The following RPH3A variants were observed in gnomAD, a reference collection of about 807,000 sequenced individuals.
The protein encoded by RPH3A is rabphilin 3A.
A neutral mutation model predicts 102.2 loss-of-function variants in RPH3A; 48 were observed. That is an observed-to-expected ratio of 0.47 (90% CI 0.37 to 0.60). RPH3A has a LOEUF of 0.60. RPH3A is among the 20% of genes least tolerant of loss of function. RPH3A has a pLI of 0.00. For synonymous variants in RPH3A, 310 were observed against 324.3 expected (o/e 0.96, Z 0.47); for missense variants, 781 against 910.1 (o/e 0.86, Z 1.83).
At chr12:112,694,650 GCACACACACACA>G (rs71086119) in intron 1 of RPH3A, among the ~76,000 whole-genome samples, 8 of 98,544 alleles carry the variant, frequency 8.1e-5, no homozygotes, top group South Asian at 4.4e-4. Context: ...GCGCGCACAC[GCACACACACACA>G]CACACACACA....
intron 1 of RPH3A, among the ~76,000 whole-genome samples, chr12:112,762,498 C>T (rs971594994): frequency 2.6e-5 from 4 of 152,188 alleles, no homozygotes; most frequent in Non-Finnish European, 5.9e-5. Context: ...CCCATTTTCT[C>T]TGCCTTCCCC....
At chr12:112,734,446 C>T (rs1400212521) in intron 1 of RPH3A, among the ~76,000 whole-genome samples, 3 of 152,234 alleles carry the variant, frequency 2.0e-5, no homozygotes, top group Non-Finnish European at 4.4e-5. Context: ...CTGTACATGG[C>T]GAATATCAGT....
At chr12:112,581,002 G>C (rs549449506) in intron 1 of RPH3A, among the ~76,000 whole-genome samples, 9 of 152,252 alleles carry the variant, frequency 5.9e-5, no homozygotes, top group African/African-American at 2.2e-4. Context: ...CAAGTTCTTC[G>C]TGAGTGCTCT....
intron 1 of RPH3A, among the ~76,000 whole-genome samples, chr12:112,590,342 C>T (rs1329399706): frequency 6.6e-6 from 1 of 152,240 alleles, no homozygotes; most frequent in South Asian, 2.1e-4. Context: ...GGAGACCACC[C>T]TGCTGAATGA....
intron 1 of RPH3A, among the ~76,000 whole-genome samples, chr12:112,582,525 T>C (rs1218280799): frequency 6.8e-6 from 1 of 147,176 alleles, no homozygotes; most frequent in Non-Finnish European, 1.5e-5. Flanking sequence ...TAGCTCACTG[T>C]AGCCTTGACC....
At chr12:112,617,412 G>A (rs1201303894) in intron 1 of RPH3A, among the ~76,000 whole-genome samples, 3 of 152,280 alleles carry the variant, frequency 2.0e-5, no homozygotes, top group African/African-American at 7.2e-5. Flanking sequence ...AAGGCTGGTT[G>A]GATTCAGGTT....
In RPH3A at chr12:112,869,916, G is replaced by C. The variant is rs139152687; in HGVS notation, c.673G>C (p.Gly225Arg). The part of the protein sequence containing the change: ...KTGPDPASAP[G>R]RGNYGPPVRR... The stretch of plus-strand genomic sequence containing the variant: ...AGGCCCTGACCCAGCCTCTGCTCCC[G>C]GGCGAGGAAACTATGGGCCTCCCGT... Residue 225 changes from glycine to arginine, a missense_variant, in exon 10 of 22, where the codon GGG becomes CGG. Physicochemically the swap from Gly to Arg is moderately radical, Grantham distance 125. This residue lies in a region of RPH3A where 730 missense variants were observed against 810.0 expected (regional missense o/e 0.90). Coordinates refer to ENST00000389385, the MANE Select transcript of RPH3A (RefSeq NM_001143854.2). The C allele has an allele frequency of 5.0e-6, 8 of 1,613,844 alleles. No individual in the cohort carries two copies. The highest frequency in any genetic ancestry group is 2.2e-5 in the South Asian group (2 of 91,058).
At chr12:112,602,902 AG>A (rs1478353086) in intron 1 of RPH3A, among the ~76,000 whole-genome samples, 5 of 152,340 alleles carry the variant, frequency 3.3e-5, no homozygotes, top group Admixed American at 2.0e-4. Context: ...GATTAACAAG[AG>A]AAAAAAATAT....
chr12:112,844,261 G>A (rs563432655), intron 4 of RPH3A, among the ~76,000 whole-genome samples: 1 of 152,316 alleles, frequency 6.6e-6, no homozygotes, highest in South Asian at 2.1e-4. Context: ...TGTCTCGGGT[G>A]ACAAGAGCTA....
chr12:112,848,193 A>G (rs2042263824), intron 5 of RPH3A, among the ~76,000 whole-genome samples: 1 of 152,008 alleles, frequency 6.6e-6, no homozygotes, highest in Non-Finnish European at 1.5e-5. Context: ...GGTGGGTGTG[A>G]GCATCAGGTG....
intron 11 of RPH3A, 22 bp from the exon 12 acceptor site, chr12:112,875,656 GT>G: frequency 6.2e-7 from 1 of 1,606,954 alleles, no homozygotes; most frequent in Non-Finnish European, 8.5e-7. Flanking sequence ...CTGCATCTCT[GT>G]TTGTCTCCTC....
At chr12:112,596,790 G>A (rs530856013) in intron 1 of RPH3A, among the ~76,000 whole-genome samples, 8 of 152,276 alleles carry the variant, frequency 5.3e-5, no homozygotes, top group South Asian at 2.1e-4. Flanking sequence ...TAGTGAATCC[G>A]TAAACCATTT....
At chr12:112,806,252 G>A (rs532253239) in intron 2 of RPH3A, among the ~76,000 whole-genome samples, 68 of 152,308 alleles carry the variant, frequency 4.5e-4, no homozygotes, top group African/African-American at 1.5e-3. Flanking sequence ...GAAAGAATTT[G>A]CTTAAACTAT....
At chr12:112,621,384 T>C (rs550572587) in intron 1 of RPH3A, among the ~76,000 whole-genome samples, 51 of 150,132 alleles carry the variant, frequency 3.4e-4, no homozygotes, top group Middle Eastern at 6.8e-3. Flanking sequence ...GGCGAGGCAT[T>C]GCCTCACCTG....
intron 14 of RPH3A, among the ~76,000 whole-genome samples, chr12:112,879,791 G>A (rs545154285): frequency 1.3e-5 from 2 of 152,312 alleles, no homozygotes; most frequent in African/African-American, 4.8e-5. Flanking sequence ...ACCCTGCAAA[G>A]CCCCAAGCCT....
intron 4 of RPH3A, among the ~76,000 whole-genome samples, chr12:112,836,958 A>G (rs553309963): frequency 1.3e-5 from 2 of 152,376 alleles, no homozygotes; most frequent in East Asian, 3.9e-4. Flanking sequence ...ATCAGAGGTC[A>G]TCCTGATTTC....
intron 1 of RPH3A, among the ~76,000 whole-genome samples, chr12:112,636,040 T>C (rs1045996677): frequency 1.2e-4 from 18 of 152,344 alleles, no homozygotes; most frequent in Middle Eastern, 3.4e-3. Flanking sequence ...TTAAACATGA[T>C]ATAAGCTTAT....
At chr12:112,892,678 G>T (rs1462221237) in intron 19 of RPH3A, among the ~76,000 whole-genome samples, 1 of 152,216 alleles carries the variant, frequency 6.6e-6, no homozygotes, top group African/African-American at 2.4e-5. Context: ...GGAGAATGCA[G>T]GCTGAGAGGT....
chr12:112,727,186 A>C (rs1157718994), intron 1 of RPH3A, among the ~76,000 whole-genome samples: 3 of 151,836 alleles, frequency 2.0e-5, no homozygotes, highest in Non-Finnish European at 4.4e-5. Flanking sequence ...CAAATTAGAC[A>C]ATTTTAATAT....
Sources: gnomAD v4.1 joint callset for allele counts (sites outside exome capture counted in the v4.1 genomes callset) on GRCh38, gnomAD v4.1.1 for gene constraint, gnomAD v4.1.1 regional missense constraint, MANE v1.5 for transcripts, NCBI Gene and HGNC (gene_info 2026-07-23, HGNC 2026-07-21) for gene names.